The following BRCA1 variants were observed in gnomAD, a reference collection of about 807,000 sequenced individuals.
The protein encoded by BRCA1 is breast cancer type 1 susceptibility protein.
BRCA1 carries 140 observed loss-of-function variants against 173.7 expected under a neutral mutation model. The observed-to-expected ratio is 0.81, with a 90% CI of 0.70 to 0.93. The LOEUF (loss-of-function observed/expected upper bound fraction) is 0.93, where lower values mean the gene tolerates loss of function less well. BRCA1 is among the 40% of genes least tolerant of loss of function. The probability of loss-of-function intolerance (pLI) is 0.00; values close to 1 mark genes in which losing one functional copy is unlikely to be tolerated. For missense variants in BRCA1, 1,983 were observed against 2,172.5 expected (o/e 0.91, Z 1.73); for synonymous variants, 662 against 756.0 (o/e 0.88, Z 2.04).
At chr17:43,144,893 C>T (rs1256165361) in intron 1 of BRCA1, 4 of 538,100 alleles carry the variant, frequency 7.4e-6, no homozygotes, top group Non-Finnish European at 1.1e-5. Context: ...AGCCCAGCTT[C>T]GCGAAGGCTG....
At chr17:43,102,311 T>C (rs1056128548) in intron 6 of BRCA1, among the ~76,000 whole-genome samples, 4 of 149,636 alleles carry the variant, frequency 2.7e-5, no homozygotes, top group African/African-American at 1.0e-4. Flanking sequence ...CACCTCGTGA[T>C]CCACTTGACT....
intron 20 of BRCA1, 140 bp downstream of exon 20, chr17:43,050,923 G>T: frequency 1.2e-6 from 1 of 835,058 alleles, no homozygotes; most frequent in Non-Finnish European, 2.0e-6. Flanking sequence ...TGTTTTGTTT[G>T]GAGAGTGGTA....
At position 43,071,150 on chromosome 17, in the gene BRCA1, A is replaced by G. The variant is rs753651115; in HGVS notation, c.4764T>C (p.Ala1588=). Residue 1588 remains alanine, a synonymous_variant, in exon 15 of 23, where the codon GCT becomes GCC. Transcript: ENST00000357654. The stretch of plus-strand genomic sequence containing the variant: ...TTGAAGATGGTATGTTGCCAACACG[A>G]GCTGACTCTGGGGCTCTGTCTTCAG... ...DPSEDRAPES[A]RVGNIPSSTS... is the part of the protein sequence containing the mutation. 6 of 1,614,076 alleles carry G rather than the reference A, an allele frequency of 3.7e-6. No individual in the cohort carries two copies. The highest frequency in any genetic ancestry group is 1.6e-4 in the Middle Eastern group (1 of 6,084).
At chr17:43,146,298 A>AT (rs2056120829) in intron 1 of BRCA1, among the ~76,000 whole-genome samples, 2 of 87,912 alleles carry the variant, frequency 2.3e-5, no homozygotes, top group Admixed American at 1.1e-4. Context: ...GATTTTTGTT[A>AT]CTTTTTTTTT....
rs80356860 is a variant in BRCA1 at position 43,063,909 on chromosome 17, C to T, written c.5117G>A (p.Gly1706Glu). 1.2e-6 allele frequency: 2 copies of T among 1,613,942 alleles called. No homozygotes were observed. Among genetic ancestry groups the T allele is most frequent in the Non-Finnish European group, 1.7e-6 (2 of 1,179,984 alleles). Residue 1706 changes from glycine to glutamate, a missense_variant, in exon 17 of 23, where the codon GGA (glycine) becomes GAA (glutamate). Coordinates refer to ENST00000357654, the MANE Select transcript of BRCA1 (RefSeq NM_007294.4). The part of the protein sequence containing the change: ...VCERTLKYFL[G>E]IAGGKWVVSY... Reference sequence around the variant, plus strand: ...AACTACCCATTTTCCTCCCGCAATTCCTAGAAAATATTTCAGTGTCCGTTC... The same window carrying T: ...AACTACCCATTTTCCTCCCGCAATTTCTAGAAAATATTTCAGTGTCCGTTC...
In BRCA1 at chr17:43,104,835, T is replaced by C. The variant is rs774467462; in HGVS notation, c.301+33A>G. ...CTTCCTGAGTTTTCATGGACAGCAC[T>C]TGAGTGTCATTCTTGGGATATTCAA... On this transcript the variant is annotated intron_variant, in intron 5 of 22. Coordinates refer to ENST00000357654, the MANE Select transcript of BRCA1 (RefSeq NM_007294.4). 5.7e-6 allele frequency: 9 copies of C among 1,575,478 alleles called. No homozygotes were observed. In the East Asian group the frequency reaches 1.8e-4, roughly 31 times the overall value.
At chr17:43,059,212 C>T (rs934676402) in intron 18 of BRCA1, among the ~76,000 whole-genome samples, 1 of 152,066 alleles carries the variant, frequency 6.6e-6, no homozygotes, top group African/African-American at 2.4e-5. Context: ...ACCTGCAATC[C>T]CAGCACTTTG....
Position 43,045,336 on chromosome 17 carries a change from A to G in BRCA1, c.*342T>C. On this transcript the variant is annotated 3_prime_UTR_variant, in exon 23 of 23. Coordinates refer to ENST00000357654, the MANE Select transcript of BRCA1 (RefSeq NM_007294.4). ...TGAGGCCAAGCCACTCTGTGCTTCC[A>G]GCCCTAAGCCAACAACAGCCTGAAT... The G allele has an allele frequency of 3.5e-6, 2 of 573,220 alleles. No homozygotes were observed. The highest frequency in any genetic ancestry group is 3.1e-5 in the South Asian group (2 of 65,514). The allele number at this position is 573,220 out of a possible 1,614,324, so 35.5% of individuals were successfully genotyped here.
chr17:43,100,634 A>ATATATATATAACATATATATATGT (rs2054385013), intron 6 of BRCA1, among the ~76,000 whole-genome samples: 1 of 79,724 alleles, frequency 1.3e-5, no homozygotes, highest in Non-Finnish European at 2.3e-5. Flanking sequence ...TATATATGTT[A>ATATATATATAACATATATATATGT]TATATATATA....
In BRCA1 at chr17:43,045,729, G is replaced by A. The variant is rs397509295; in HGVS notation, c.5541C>T (p.Cys1847=). Reference sequence around the variant, plus strand: ...GTATCAGGTAGGTGTCCAGCTCCTGGCACTGGTAGAGTGCTACACTGTCCA... The same window carrying A: ...GTATCAGGTAGGTGTCCAGCTCCTGACACTGGTAGAGTGCTACACTGTCCA... ...WVLDSVALYQ[C]QELDTYLIPQ... is the part of the protein sequence containing the mutation. Residue 1847 remains cysteine, a synonymous_variant, in exon 23 of 23, where the codon TGC becomes TGT. Coordinates refer to ENST00000357654, the MANE Select transcript of BRCA1 (RefSeq NM_007294.4). 1 of 1,613,966 alleles carries A rather than the reference G, an allele frequency of 6.2e-7. No individual in the cohort carries two copies. The highest frequency in any genetic ancestry group is 1.6e-4 in the Middle Eastern group (1 of 6,062).
intron 11 of BRCA1, among the ~76,000 whole-genome samples, chr17:43,085,551 A>G (rs1005942674): frequency 2.0e-5 from 3 of 152,144 alleles, no homozygotes; most frequent in Non-Finnish European, 4.4e-5. Context: ...GTTTTCCTAT[A>G]ACACATGACA....
chr17:43,105,996 G>A (rs558264852), intron 4 of BRCA1, among the ~76,000 whole-genome samples: 5 of 151,922 alleles, frequency 3.3e-5, no homozygotes, highest in South Asian at 2.1e-4. Flanking sequence ...GCATGGTAGC[G>A]TGTGCCTGTA....
rs8176225 is a variant in BRCA1, at chr17:43,069,579, C to A, written c.4986+1349G>T. ...GGACGTGCAGGCAAGTGATCAAGAGCCATTGAAACAGACACAGGTAAGAGC... is the reference window on the plus strand; with the variant it reads ...GGACGTGCAGGCAAGTGATCAAGAGACATTGAAACAGACACAGGTAAGAGC... On this transcript the variant is annotated intron_variant, in intron 15 of 22. Coordinates refer to ENST00000357654, the MANE Select transcript of BRCA1 (RefSeq NM_007294.4). 0.015 allele frequency among the ~76,000 whole-genome samples: 2,233 copies of A among 152,214 alleles called. 47 individuals are homozygous for A. The highest frequency in any genetic ancestry group is 0.051 in the African/African-American group (2,124 of 41,542).
chr17:43,098,867 G>A (rs1291486441), intron 7 of BRCA1, among the ~76,000 whole-genome samples: 1 of 150,076 alleles, frequency 6.7e-6, no homozygotes, highest in African/African-American at 2.5e-5. Context: ...GCCTAGGCTG[G>A]AGTGCAATGG....
intron 14 of BRCA1, among the ~76,000 whole-genome samples, chr17:43,072,342 T>C (rs2052487764): frequency 6.6e-6 from 1 of 151,356 alleles, no homozygotes; most frequent in Non-Finnish European, 1.5e-5. Flanking sequence ...TGAGCCGAGA[T>C]TGCGCCATTG....
intron 3 of BRCA1, among the ~76,000 whole-genome samples, chr17:43,109,773 T>C (rs2054955826): frequency 1.3e-5 from 2 of 152,080 alleles, no homozygotes; most frequent in South Asian, 2.1e-4. Context: ...TCCCTTATGA[T>C]AGTACTGCAG....
intron 12 of BRCA1, among the ~76,000 whole-genome samples, chr17:43,077,558 T>C (rs2052794002): frequency 6.6e-6 from 1 of 152,046 alleles, no homozygotes; most frequent in African/African-American, 2.4e-5. Context: ...AGTCTCGAAC[T>C]CCTGACCTCA....
chr17:43,112,420 C>T (rs555051911), intron 3 of BRCA1: 1 of 152,090 alleles, frequency 6.6e-6, no homozygotes, highest in Admixed American at 6.6e-5. Flanking sequence ...ATTCAAAACA[C>T]AATTTAAAAT....
chr17:43,124,389 G>A (rs1314854994), intron 1 of BRCA1, among the ~76,000 whole-genome samples: 17 of 152,282 alleles, frequency 1.1e-4, no homozygotes, highest in African/African-American at 3.8e-4. Flanking sequence ...ACAGAGGAGT[G>A]ACTGACCGGG....
Sources: gnomAD v4.1 joint callset for allele counts (sites outside exome capture counted in the v4.1 genomes callset) on GRCh38, gnomAD v4.1.1 for gene constraint, MANE v1.5 for transcripts, NCBI Gene and HGNC (gene_info 2026-07-23, HGNC 2026-07-21) for gene names.